The following KLHL29 variants were observed in gnomAD, a reference collection of about 807,000 sequenced individuals.
KLHL29 encodes kelch like family member 29.
In KLHL29, 21 loss-of-function variants were observed where a neutral mutation model predicts 80.4. The observed-to-expected ratio is 0.26, with a 90% CI of 0.19 to 0.38. The LOEUF is 0.38. Among genes scored for constraint, KLHL29 ranks in the 10% least tolerant of loss-of-function variants. The probability of loss-of-function intolerance (pLI) is 1.00; values close to 1 mark genes in which losing one functional copy is unlikely to be tolerated. For synonymous variants in KLHL29, 511 were observed against 526.8 expected (o/e 0.97, Z 0.41); for missense variants, 867 against 1,223.9 (o/e 0.71, Z 4.35).
At chr2:23,527,408 C>T (rs537754627) in intron 2 of KLHL29, among the ~76,000 whole-genome samples, 1 of 152,326 alleles carries the variant, frequency 6.6e-6, no homozygotes, top group South Asian at 2.1e-4. Context: ...CCAGCAAAAG[C>T]CCCGCCATGC....
chr2:23,502,386 C>G (rs571576562), intron 2 of KLHL29, among the ~76,000 whole-genome samples: 5 of 152,290 alleles, frequency 3.3e-5, no homozygotes, highest in South Asian at 4.1e-4. Flanking sequence ...CCGTGCAGCT[C>G]GGAGGCTCAC....
chr2:23,393,033 A>G (rs890962503), intron 1 of KLHL29, among the ~76,000 whole-genome samples: 2 of 152,230 alleles, frequency 1.3e-5, no homozygotes, highest in African/African-American at 2.4e-5. Context: ...TTGAGCCAGC[A>G]TAGTAAATAA....
At chr2:23,697,682 A>T (rs1672052647) in intron 11 of KLHL29, 1 of 152,192 alleles carries the variant, frequency 6.6e-6, no homozygotes, top group Non-Finnish European at 1.5e-5. Flanking sequence ...AGTAGAGCCC[A>T]GAGATGGCTC....
chr2:23,479,790 C>T (rs1012454751), intron 2 of KLHL29, among the ~76,000 whole-genome samples: 1 of 152,224 alleles, frequency 6.6e-6, no homozygotes, highest in Non-Finnish European at 1.5e-5. Context: ...TCTCCTTTGC[C>T]TTAGGCTGCT....
intron 1 of KLHL29, among the ~76,000 whole-genome samples, chr2:23,473,547 G>A (rs1664553749): frequency 6.6e-6 from 1 of 152,062 alleles, no homozygotes; most frequent in African/African-American, 2.4e-5. Context: ...GAGATGGAAG[G>A]GCAAGGCCAC....
At chr2:23,441,998 T>C (rs556284928) in intron 1 of KLHL29, among the ~76,000 whole-genome samples, 2 of 152,168 alleles carry the variant, frequency 1.3e-5, no homozygotes, top group Admixed American at 6.5e-5. Flanking sequence ...TTATCTTACA[T>C]GGCAATAGAG....
rs954795610 is a variant in KLHL29 at position 23,570,998 on chromosome 2, C to T, written c.285+8517C>T. 2.6e-5 allele frequency among the ~76,000 whole-genome samples: 4 copies of T among 152,218 alleles called. No individual in the cohort carries two copies. In the East Asian group the frequency reaches 5.8e-4, roughly 22 times the overall value. ...GGATCTGCCCAGCTCTTCCAGCATT[C>T]GGGCCAGCCCTGCGCCATGGCTCTG... On this transcript the variant is annotated intron_variant, in intron 3 of 13. Transcript: ENST00000486442.
chr2:23,467,865 C>T (rs992813761), intron 1 of KLHL29, among the ~76,000 whole-genome samples: 11 of 151,874 alleles, frequency 7.2e-5, no homozygotes, highest in African/African-American at 2.2e-4. Flanking sequence ...GTGATCAGCC[C>T]GTTGGTTCCA....
At chr2:23,521,683 G>A (rs577611256) in intron 2 of KLHL29, among the ~76,000 whole-genome samples, 2 of 152,298 alleles carry the variant, frequency 1.3e-5, no homozygotes, top group East Asian at 1.9e-4. Context: ...GTAACTACCT[G>A]TACCCCATTT....
intron 1 of KLHL29, among the ~76,000 whole-genome samples, chr2:23,441,943 G>A (rs1191664777): frequency 1.3e-5 from 2 of 152,120 alleles, no homozygotes; most frequent in Admixed American, 1.3e-4. Context: ...CAGCATAATG[G>A]TCTCCCAAAG....
intron 2 of KLHL29, among the ~76,000 whole-genome samples, chr2:23,492,813 C>G (rs944044851): frequency 6.6e-6 from 1 of 152,080 alleles, no homozygotes; most frequent in Non-Finnish European, 1.5e-5. Flanking sequence ...TGGCTGGTCC[C>G]GAACCTCCTC....
intron 5 of KLHL29, among the ~76,000 whole-genome samples, chr2:23,666,167 T>G (rs1179681260): frequency 6.6e-6 from 1 of 152,220 alleles, no homozygotes; most frequent in African/African-American, 2.4e-5. Flanking sequence ...CTCCCTGCCC[T>G]CAGGGGGCTC....
intron 5 of KLHL29, among the ~76,000 whole-genome samples, chr2:23,674,167 AGT>A (rs1670861105): frequency 1.3e-5 from 2 of 152,122 alleles, no homozygotes; most frequent in South Asian, 2.1e-4. Context: ...ACGCTCTGTG[AGT>A]GTGTCTCCCT....
chr2:23,530,483 C>G (rs1425383214), intron 2 of KLHL29, among the ~76,000 whole-genome samples: 4 of 152,180 alleles, frequency 2.6e-5, no homozygotes, highest in Non-Finnish European at 5.9e-5. Context: ...GAGCCCTCCC[C>G]CAGCTGTACT....
In KLHL29 at chr2:23,696,707, G is replaced by C; in HGVS notation, c.2105+194G>C. ...GGTGTGGGATACAAGCAGATGGGATGACATCTGTGTCACCTTTGCAGTCGC... is the reference window on the plus strand; with the variant it reads ...GGTGTGGGATACAAGCAGATGGGATCACATCTGTGTCACCTTTGCAGTCGC... On this transcript the variant is annotated intron_variant, in intron 11 of 13. Coordinates refer to ENST00000486442, the MANE Select transcript of KLHL29 (RefSeq NM_052920.2). The surrounding 1 kb of genome is among the most constrained non-coding windows in gnomAD (Gnocchi z 5.5). The C allele has an allele frequency of 1.9e-6, 1 of 539,454 alleles. No individual in the cohort carries two copies. Among genetic ancestry groups the C allele is most frequent in the Non-Finnish European group, 3.2e-6 (1 of 308,608 alleles). The allele number at this position is 539,454 out of a possible 1,614,324, so 33.4% of individuals were successfully genotyped here.
intron 4 of KLHL29, among the ~76,000 whole-genome samples, chr2:23,641,094 G>A (rs1477911233): frequency 1.3e-5 from 2 of 151,922 alleles, no homozygotes; most frequent in Non-Finnish European, 2.9e-5. Flanking sequence ...GGTACCATTT[G>A]GGCCATGGAG....
intron 1 of KLHL29, among the ~76,000 whole-genome samples, chr2:23,419,464 A>C (rs543869123): frequency 1.2e-3 from 179 of 152,190 alleles, no homozygotes; most frequent in African/African-American, 3.9e-3. Context: ...AGCCGGGGTG[A>C]CTGCACTCAC....
At chr2:23,449,553 G>A (rs1003218332) in intron 1 of KLHL29, among the ~76,000 whole-genome samples, 1 of 152,100 alleles carries the variant, frequency 6.6e-6, no homozygotes, top group Non-Finnish European at 1.5e-5. Context: ...TAAGTAGGCT[G>A]GTTTCTCATC....
rs1351355300 is a variant in KLHL29 at position 23,647,790 on chromosome 2, C to T, written c.940+4940C>T. Among the ~76,000 whole-genome samples the T allele has an allele frequency of 6.6e-6, 1 of 152,148 alleles. No individual in the cohort carries two copies. Among genetic ancestry groups the T allele is most frequent in the Non-Finnish European group, 1.5e-5 (1 of 68,026 alleles). On this transcript the variant is annotated intron_variant, in intron 5 of 13. Transcript: ENST00000486442. This position sits in a 1 kb window ranked among gnomAD's most constrained non-coding sequence, Gnocchi z 4.9. ...CTTGCAGGCTGCCCCGTAACCACCC[C>T]AGGCCTTGGCTCTCCAGTCTAGCCG...
Sources: allele counts gnomAD v4.1 joint callset (sites outside exome capture counted in the v4.1 genomes callset), GRCh38; gene constraint gnomAD v4.1.1; non-coding constraint Gnocchi (gnomAD v3.1); transcripts MANE v1.5; gene names NCBI Gene and HGNC (gene_info 2026-07-23, HGNC 2026-07-21).